CMTR2: variants seen among roughly 807,000 people sequenced by gnomAD.
The protein encoded by CMTR2 is cap methyltransferase 2.
Under a neutral mutation model 49.8 loss-of-function variants are expected in CMTR2, and 40 were observed. That is an observed-to-expected ratio of 0.80 (90% CI 0.62 to 1.04). CMTR2 has a LOEUF of 1.04. Among genes scored for constraint, CMTR2 ranks in the 50% least tolerant of loss-of-function variants. The pLI, the probability that CMTR2 is intolerant of heterozygous loss-of-function variation, is 0.00. For missense variants in CMTR2, 907 were observed against 897.2 expected, an observed-to-expected ratio of 1.01 and a Z score of -0.14; for synonymous variants, 326 against 315.8, an observed-to-expected ratio of 1.03 and a Z score of -0.34.
In CMTR2 at chr16:71,282,091, C is replaced by T. The variant is rs1006313500; in HGVS notation, c.*1517G>A. ...TCTACTTCCAGGCCTCCACACACTC[C>T]TCTTCCAATCCCCCTTAAGTATTCA... is the stretch of plus-strand genomic sequence containing the variant. On this transcript the variant is annotated 3_prime_UTR_variant, in exon 3 of 3. Coordinates refer to ENST00000434935, the MANE Select transcript of CMTR2 (RefSeq NM_018348.6). The T allele has an allele frequency of 1.3e-5, 2 of 151,922 alleles. No homozygotes were observed. Among genetic ancestry groups the T allele is most frequent in the Non-Finnish European group, 2.9e-5 (2 of 67,896 alleles). The allele number at this position is 151,922 out of a possible 1,614,324, so 9.4% of individuals were successfully genotyped here. A position where few individuals can be genotyped will look rare whatever the true frequency, so the allele number is the denominator to read the frequency against.
intron 2 of CMTR2, 92 bp from the exon 3 acceptor site, chr16:71,286,031 C>A: frequency 3.3e-6 from 3 of 922,518 alleles, no homozygotes; most frequent in Non-Finnish European, 4.8e-6. Context: ...ATGACAAACT[C>A]CATAAAATGG....
chr16:71,284,773 T>C lies in CMTR2; in HGVS notation c.1148A>G (p.Glu383Gly), dbSNP rs777354210. 5.0e-6 allele frequency: 8 copies of C among 1,613,674 alleles called. No homozygotes were observed. The highest frequency in any genetic ancestry group is 1.3e-5 in the African/African-American group (1 of 74,944). Reference protein sequence around the residue: ...ETISENIRLFECMGKAEQEKL... With the variant: ...ETISENIRLFGCMGKAEQEKL... The stretch of plus-strand genomic sequence containing the variant: ...TTCTTGTTCCGCCTTTCCCATGCAC[T>C]CAAATAGACGAATGTTTTCAGAAAT... Residue 383 changes from glutamate (E) to glycine (G), a missense_variant, in exon 3 of 3, where the codon GAG (glutamate) becomes GGG (glycine). Physicochemically the swap from Glu to Gly is moderately conservative, Grantham distance 98 (BLOSUM62 -2). Transcript: ENST00000434935.
In CMTR2 at chr16:71,283,431, T is replaced by C. The variant is rs2041645116; in HGVS notation, c.*177A>G. 7.5e-6 allele frequency: 5 copies of C among 667,218 alleles called. No individual in the cohort carries two copies. The highest frequency in any genetic ancestry group is 5.0e-6 in the Non-Finnish European group (2 of 397,132). 41.3% of individuals were successfully genotyped at this position (667,218 alleles called of 1,614,324 possible). ...ACCACGTGGAAGAGCTCTATGCCTG[T>C]GGGTGTATATACCCTAGAGATCAGA... On this transcript the variant is annotated 3_prime_UTR_variant, in exon 3 of 3. Coordinates refer to ENST00000434935, the MANE Select transcript of CMTR2 (RefSeq NM_018348.6).
intron 2 of CMTR2, chr16:71,288,168 G>T (rs957281653): frequency 1.3e-5 from 2 of 152,130 alleles, no homozygotes; most frequent in Non-Finnish European, 2.9e-5. Context: ...AAGACACCAA[G>T]CACATTCCAA....
Position 71,283,579 on chromosome 16 carries a change from C to T in CMTR2, c.*29G>A. ...AAATACTGGGCAAATTATAAGAAAT[C>T]ATAAAGTTGAATCTCAGAAAGCATA... On this transcript the variant is annotated 3_prime_UTR_variant, in exon 3 of 3. Coordinates refer to ENST00000434935, the MANE Select transcript of CMTR2 (RefSeq NM_018348.6). The T allele has an allele frequency of 1.3e-6, 2 of 1,568,078 alleles. No individual in the cohort carries two copies. Among genetic ancestry groups the T allele is most frequent in the African/African-American group, 1.4e-5 (1 of 72,920 alleles).
At position 71,283,661 on chromosome 16, in the gene CMTR2, T is replaced by C. The variant is rs2041651247; in HGVS notation, c.2260A>G (p.Ile754Val). The C allele has an allele frequency of 1.2e-6, 2 of 1,613,730 alleles. No homozygotes were observed. Among genetic ancestry groups the C allele is most frequent in the Admixed American group, 1.7e-5 (1 of 59,950 alleles). The part of the protein sequence containing the change: ...AAIAKRHLHF[I>V]IQREREEIIN... ...ATTTCTTCTCTCTCTCTTTGAATAA[T>C]GAAATGCAAATGCCTTTTAGCAATG... is the stretch of plus-strand genomic sequence containing the variant. Residue 754 changes from isoleucine (I) to valine (V), a missense_variant, in exon 3 of 3, where the codon ATT (isoleucine) becomes GTT (valine). Ile to Val is a conservative substitution (Grantham distance 29). Transcript: ENST00000434935.
Position 71,284,388 on chromosome 16 carries a change from G to A in CMTR2, c.1533C>T (p.Cys511=). ...TAAGAGTTTTTAAAATTTCACCATT[G>A]CAAAAAGGAGAACATTTTACCTTTG... is the stretch of plus-strand genomic sequence containing the variant. The part of the protein sequence containing the change: ...KLPKVKCSPF[C]NGEILKTLNE... Residue 511 remains cysteine, a synonymous_variant, in exon 3 of 3, where the codon TGC becomes TGT. Transcript: ENST00000434935. The A allele has an allele frequency of 6.2e-7, 1 of 1,613,158 alleles. No homozygotes were observed. The highest frequency in any genetic ancestry group is 1.3e-5 in the African/African-American group (1 of 74,928).
Position 71,284,359 on chromosome 16 carries a change from T to C in CMTR2, c.1562A>G (p.Glu521Gly), listed in dbSNP as rs747367339. Reference protein sequence around the residue: ...CNGEILKTLNEAIEKSLGGAF... With the variant: ...CNGEILKTLNGAIEKSLGGAF... ...TCCTCCTAATGACTTTTCAATTGCT[T>C]CATTAAGAGTTTTTAAAATTTCACC... The change falls in exon 3 of 3, where the codon GAA becomes GGA. Residue 521 changes from glutamate (E) to glycine (G), a missense_variant. Glu to Gly is a moderately conservative substitution (Grantham distance 98). Coordinates refer to ENST00000434935, the MANE Select transcript of CMTR2 (RefSeq NM_018348.6). 6.2e-7 allele frequency: 1 copy of C among 1,613,264 alleles called. No homozygotes were observed. Among genetic ancestry groups the C allele is most frequent in the Non-Finnish European group, 8.5e-7 (1 of 1,179,786 alleles).
At chr16:71,285,998 G>A (rs2041720840) in intron 2 of CMTR2, 59 bp from the exon 3 acceptor site, 1 of 1,267,550 alleles carries the variant, frequency 7.9e-7, no homozygotes, top group East Asian at 2.4e-5. Flanking sequence ...GAAATCTCAT[G>A]AGCAGCAAAT....
At position 71,285,728 on chromosome 16, in the gene CMTR2, C is replaced by T; in HGVS notation, c.193G>A (p.Asp65Asn). Residue 65 changes from aspartate (D) to asparagine (N), a missense_variant, in exon 3 of 3, where the codon GAT becomes AAT. Coordinates refer to ENST00000434935, the MANE Select transcript of CMTR2 (RefSeq NM_018348.6). ...CDHTELNAFLDLKNSLNEVKN... is the reference protein window; with the variant it reads ...CDHTELNAFLNLKNSLNEVKN... ...ACTTCATTTAGGGAGTTCTTCAAATCAAGAAATGCATTAAGTTCAGTGTGG... is the reference window on the plus strand; with the variant it reads ...ACTTCATTTAGGGAGTTCTTCAAATTAAGAAATGCATTAAGTTCAGTGTGG... The T allele has an allele frequency of 6.2e-7, 1 of 1,613,366 alleles. No homozygotes were observed. Among genetic ancestry groups the T allele is most frequent in the Non-Finnish European group, 8.5e-7 (1 of 1,179,688 alleles).
rs1365736620 is a variant in CMTR2, at chr16:71,282,253, AT to A, written c.*1354del. ...TTAAAAATGTCTGTTTCCAACTTAT[AT>A]TTTTAACTTCTCCCATAATTCCATT... is the stretch of plus-strand genomic sequence containing the variant. On this transcript the variant is annotated 3_prime_UTR_variant, in exon 3 of 3. Transcript: ENST00000434935. 2.6e-5 allele frequency: 4 copies of A among 152,120 alleles called. No homozygotes were observed. The highest frequency in any genetic ancestry group is 7.2e-5 in the African/African-American group (3 of 41,452). 9.4% of individuals were successfully genotyped at this position (152,120 alleles called of 1,614,324 possible).
intron 2 of CMTR2, chr16:71,287,814 C>A (rs1001198519): frequency 1.3e-5 from 2 of 152,166 alleles, no homozygotes; most frequent in African/African-American, 4.8e-5. Flanking sequence ...TTTCCACATT[C>A]ACTAAAATCT....
rs191818264 is a variant in CMTR2 at position 71,285,351 on chromosome 16, G to A, written c.570C>T (p.Asp190=). Residue 190 remains aspartate (D), a synonymous_variant, in exon 3 of 3, where the codon GAC becomes GAT. Coordinates refer to ENST00000434935, the MANE Select transcript of CMTR2 (RefSeq NM_018348.6). ...ANDDLMMIMD[D]RLIANTLHWW... Reference sequence around the variant, plus strand: ...AGTGCAAGGTATTTGCAATAAGCCGGTCATCCATAATCATCATGAGGTCGT... The same window carrying A: ...AGTGCAAGGTATTTGCAATAAGCCGATCATCCATAATCATCATGAGGTCGT... The A allele has an allele frequency of 6.8e-6, 11 of 1,614,090 alleles. No individual in the cohort carries two copies. The Admixed American group carries it at 1.7e-4, about 24-fold the overall frequency.
rs1284537884 is a variant in CMTR2 at position 71,282,760 on chromosome 16, T to G, written c.*848A>C. On this transcript the variant is annotated 3_prime_UTR_variant, in exon 3 of 3. Transcript: ENST00000434935. The stretch of plus-strand genomic sequence containing the variant: ...TCATCACATTCATGTGTTCCCAACA[T>G]GAGACTAAACACTATCTCAAAATCT... 1 of 152,434 alleles carries G rather than the reference T, an allele frequency of 6.6e-6. No individual in the cohort carries two copies. The highest frequency in any genetic ancestry group is 2.4e-5 in the African/African-American group (1 of 41,468). 9.4% of individuals were successfully genotyped at this position (152,434 alleles called of 1,614,324 possible).
Position 71,285,941 on chromosome 16 carries a change from T to C in CMTR2, c.-19-2A>G. On this transcript the variant is annotated splice_acceptor_variant, in intron 2 of 2. Transcript: ENST00000434935. LOFTEE classifies it low-confidence loss of function (5UTR_SPLICE). ...CTCATTTTCAAATCAAATTAAAATCTAGGAAGAGAAAACACATAATTAAAT... is the reference window on the plus strand; with the variant it reads ...CTCATTTTCAAATCAAATTAAAATCCAGGAAGAGAAAACACATAATTAAAT... 1 of 1,533,898 alleles carries C rather than the reference T, an allele frequency of 6.5e-7. No homozygotes were observed. The highest frequency in any genetic ancestry group is 1.8e-4 in the Middle Eastern group (1 of 5,684).
In CMTR2 at chr16:71,285,708, A is replaced by G. The variant is rs2041712349; in HGVS notation, c.213T>C (p.Asn71=). Residue 71 remains asparagine (N), a synonymous_variant, in exon 3 of 3, where the codon AAT becomes AAC. Transcript: ENST00000434935. ...TATCACTCAGTAGGTTTTTTACTTC[A>G]TTTAGGGAGTTCTTCAAATCAAGAA... ...NAFLDLKNSL[N]EVKNLLSDKK... The G allele has an allele frequency of 1.2e-6, 2 of 1,613,334 alleles. No individual in the cohort carries two copies. The highest frequency in any genetic ancestry group is 1.7e-5 in the Admixed American group (1 of 59,862).
Position 71,285,232 on chromosome 16 carries a change from T to A in CMTR2, c.689A>T (p.His230Leu). The change falls in exon 3 of 3, where the codon CAC becomes CTC. Residue 230 changes from histidine (H) to leucine (L), a missense_variant. Transcript: ENST00000434935. ...AAAACTCCCATCTGCAGTGACCAAG[T>A]GAACAGTAGCCATGCTGCTTATGAA... ...QNFISSMATV[H>L]LVTADGSFDC... The A allele has an allele frequency of 6.2e-7, 1 of 1,613,656 alleles. No homozygotes were observed. The highest frequency in any genetic ancestry group is 8.5e-7 in the Non-Finnish European group (1 of 1,179,586).
In CMTR2 at chr16:71,285,786, C is replaced by T. The variant is rs1368616646; in HGVS notation, c.135G>A (p.Gln45=). The change falls in exon 3 of 3, where the codon CAG becomes CAA. Residue 45 remains glutamine (Q), a synonymous_variant. Transcript: ENST00000434935. ...SYGKPLNNEW[Q]LPDPSEIFTC... Reference sequence around the variant, plus strand: ...TGAAAATCTCACTGGGATCTGGTAACTGCCACTCATTATTAAGTGGCTTGC... The same window carrying T: ...TGAAAATCTCACTGGGATCTGGTAATTGCCACTCATTATTAAGTGGCTTGC... 6.2e-7 allele frequency: 1 copy of T among 1,613,926 alleles called. No homozygotes were observed. The highest frequency in any genetic ancestry group is 8.5e-7 in the Non-Finnish European group (1 of 1,179,988).
intron 2 of CMTR2, chr16:71,287,450 G>C (rs1045757519): frequency 2.0e-5 from 3 of 151,822 alleles, no homozygotes; most frequent in Non-Finnish European, 4.4e-5. Flanking sequence ...TTTTTTTTGA[G>C]ACAGGGTCTC....
Sources: allele counts gnomAD v4.1 joint callset, GRCh38; gene constraint gnomAD v4.1.1; transcripts MANE v1.5; gene names NCBI Gene and HGNC (gene_info 2026-07-23, HGNC 2026-07-21).